Variants in HCN1 observed in about 807,000 individuals in gnomAD.
The protein encoded by HCN1 is hyperpolarization activated cyclic nucleotide gated potassium channel 1, also known as potassium/sodium hyperpolarization-activated cyclic nucleotide-gated channel 1.
HCN1 carries 13 observed loss-of-function variants against 78.9 expected under a neutral mutation model. The ratio of observed to expected loss-of-function variants is 0.16; its 90% CI spans 0.11 to 0.26. The LOEUF (loss-of-function observed/expected upper bound fraction) is 0.26. HCN1 is among the 10% of genes least tolerant of loss of function. The pLI, the probability that HCN1 is intolerant of heterozygous loss-of-function variation, is 1.00. For synonymous variants in HCN1, 552 were observed against 455.5 expected (o/e 1.21, Z -2.70); for missense variants, 810 against 1,154.3 (o/e 0.70, Z 4.32).
At chr5:45,311,848 C>T (rs1431714404) in intron 5 of HCN1, among the ~76,000 whole-genome samples, 2 of 152,338 alleles carry the variant, frequency 1.3e-5, no homozygotes, top group Non-Finnish European at 2.9e-5. Context: ...AGGGAATTTT[C>T]ACCCTCAAAG....
intron 1 of HCN1, among the ~76,000 whole-genome samples, chr5:45,679,597 A>C (rs1198356217): frequency 1.3e-5 from 2 of 152,188 alleles, no homozygotes; most frequent in African/African-American, 4.8e-5. Context: ...GAACATTCTA[A>C]CTCAGGTGAA....
At chr5:45,304,314 G>C (rs1390117445) in intron 5 of HCN1, among the ~76,000 whole-genome samples, 1 of 150,026 alleles carries the variant, frequency 6.7e-6, no homozygotes, top group Admixed American at 6.6e-5. Context: ...TTTTTTGTTA[G>C]TGTCATTCAC....
intron 6 of HCN1, among the ~76,000 whole-genome samples, chr5:45,288,012 T>C (rs533384824): frequency 6.6e-6 from 1 of 152,190 alleles, no homozygotes; most frequent in South Asian, 2.1e-4. Flanking sequence ...GAATTAACAT[T>C]ATTCCAGTTT....
At chr5:45,462,664 C>T (rs1396029053) in intron 2 of HCN1, among the ~76,000 whole-genome samples, 6 of 152,020 alleles carry the variant, frequency 3.9e-5, no homozygotes, top group African/African-American at 9.7e-5. Flanking sequence ...ACAGGCTTTA[C>T]TTTTCAGTTA....
At chr5:45,540,455 A>G (rs1743080831) in intron 2 of HCN1, among the ~76,000 whole-genome samples, 1 of 151,860 alleles carries the variant, frequency 6.6e-6, no homozygotes, top group African/African-American at 2.4e-5. Context: ...CAGCCTCCCA[A>G]GTAGTTGGGA....
intron 6 of HCN1, among the ~76,000 whole-genome samples, chr5:45,284,691 A>G (rs547855335): frequency 6.6e-6 from 1 of 152,228 alleles, no homozygotes; most frequent in African/African-American, 2.4e-5. Context: ...GTATTTCAGC[A>G]TGAACCAGGC....
intron 1 of HCN1, among the ~76,000 whole-genome samples, chr5:45,661,188 C>A (rs1424875500): frequency 7.3e-6 from 1 of 137,498 alleles, no homozygotes; most frequent in African/African-American, 2.8e-5. Context: ...ACTGAACAAC[C>A]TGCTCCTGAA....
chr5:45,520,080 T>C (rs1742585539), intron 2 of HCN1, among the ~76,000 whole-genome samples: 1 of 152,022 alleles, frequency 6.6e-6, no homozygotes, highest in African/African-American at 2.4e-5. Flanking sequence ...CATTAATCAC[T>C]ATATTATCAA....
At chr5:45,522,056 T>C (rs1374279321) in intron 2 of HCN1, among the ~76,000 whole-genome samples, 3 of 151,992 alleles carry the variant, frequency 2.0e-5, no homozygotes, top group Non-Finnish European at 4.4e-5. Context: ...TATTCAACTG[T>C]ATGTTTCTGT....
chr5:45,525,823 C>T (rs1579949710), intron 2 of HCN1, among the ~76,000 whole-genome samples: 1 of 151,970 alleles, frequency 6.6e-6, no homozygotes, highest in East Asian at 1.9e-4. Flanking sequence ...TGTTTATGTG[C>T]CTGAAATTCA....
At position 45,262,157 on chromosome 5, in the gene HCN1, C is replaced by A. The variant is rs759920350; in HGVS notation, c.2437G>T (p.Ala813Ser). 6.2e-7 allele frequency: 1 copy of A among 1,613,818 alleles called. No individual in the cohort carries two copies. Among genetic ancestry groups the A allele is most frequent in the Admixed American group, 1.7e-5 (1 of 60,022 alleles). ...GCCGTCACGGGTTGAGGGATGGAGGCCAGGGACTCGCCCACAGTGGGATGA... is the reference window on the plus strand; with the variant it reads ...GCCGTCACGGGTTGAGGGATGGAGGACAGGGACTCGCCCACAGTGGGATGA... Reference protein sequence around the residue: ...RPHPTVGESLASIPQPVTAVP... With the variant: ...RPHPTVGESLSSIPQPVTAVP... The change falls in exon 8 of 8, where the codon GCC (alanine) becomes TCC (serine). Residue 813 changes from alanine (A) to serine (S), a missense_variant. Ala to Ser is a moderately conservative substitution (Grantham distance 99, BLOSUM62 1). Around this residue, in one of 6 missense-constraint regions of HCN1, gnomAD observed 398 missense variants for 381.3 expected, o/e 1.04. Transcript: ENST00000303230.
At chr5:45,607,865 T>G (rs1190180824) in intron 2 of HCN1, among the ~76,000 whole-genome samples, 2 of 151,722 alleles carry the variant, frequency 1.3e-5, no homozygotes, top group East Asian at 3.9e-4. Flanking sequence ...TACTCAACAT[T>G]ATACCTGAGA....
At chr5:45,282,334 G>A (rs142034984) in intron 6 of HCN1, among the ~76,000 whole-genome samples, 1 of 152,152 alleles carries the variant, frequency 6.6e-6, no homozygotes, top group South Asian at 2.1e-4. Flanking sequence ...GTTATCTTGA[G>A]TAGAATGTTG....
At chr5:45,464,659 G>A (rs573039612) in intron 2 of HCN1, among the ~76,000 whole-genome samples, 117 of 151,812 alleles carry the variant, frequency 7.7e-4, no homozygotes, top group Middle Eastern at 3.4e-3. Flanking sequence ...AAGAGCATAT[G>A]TAAAGTATAT....
chr5:45,492,647 C>A (rs1403324358), intron 2 of HCN1, among the ~76,000 whole-genome samples: 1 of 150,076 alleles, frequency 6.7e-6, no homozygotes. Context: ...GCTACAGGCT[C>A]GCCCCATCAA....
intron 7 of HCN1, 117 bp from the exon 8 acceptor site, chr5:45,262,927 A>G (rs1336531096): frequency 1.1e-5 from 12 of 1,098,174 alleles, no homozygotes; most frequent in Non-Finnish European, 1.6e-5. Flanking sequence ...GAGGCTTAAA[A>G]AGCCAGTCAC....
chr5:45,582,262 AT>A (rs1744095697), intron 2 of HCN1, among the ~76,000 whole-genome samples: 1 of 151,926 alleles, frequency 6.6e-6, no homozygotes, highest in Non-Finnish European at 1.5e-5. Context: ...ATTCCTAGGT[AT>A]TTTATTCTCT....
At chr5:45,292,460 C>T (rs1033453171) in intron 6 of HCN1, among the ~76,000 whole-genome samples, 2 of 151,894 alleles carry the variant, frequency 1.3e-5, no homozygotes, top group African/African-American at 2.4e-5. Context: ...GACATCATTC[C>T]TACAGATTCT....
intron 2 of HCN1, among the ~76,000 whole-genome samples, chr5:45,485,619 T>C (rs191310299): frequency 4.6e-5 from 7 of 152,284 alleles, no homozygotes; most frequent in Admixed American, 3.3e-4. Flanking sequence ...TGTTTCTTTT[T>C]TTCCAAAGAA....
Sources: allele counts gnomAD v4.1 joint callset (sites outside exome capture counted in the v4.1 genomes callset), GRCh38; gene constraint gnomAD v4.1.1; regional missense constraint gnomAD v4.1.1; transcripts MANE v1.5; gene names NCBI Gene and HGNC (gene_info 2026-07-23, HGNC 2026-07-21).